BAZ2B: variants seen among roughly 807,000 people sequenced by gnomAD.
The protein encoded by BAZ2B is bromodomain adjacent to zinc finger domain 2B, also known as bromodomain adjacent to zinc finger domain protein 2B.
BAZ2B carries 91 observed loss-of-function variants against 246.0 expected under a neutral mutation model. The observed-to-expected ratio is 0.37, with a 90% confidence interval of 0.31 to 0.44. BAZ2B has a LOEUF of 0.44. Ranked by LOEUF, BAZ2B falls within the 20% of genes least tolerant of loss-of-function variation. The pLI is 1.00. For missense variants in BAZ2B, 2,332 were observed against 2,533.7 expected (o/e 0.92, Z 1.71); for synonymous variants, 855 against 860.0 (o/e 0.99, Z 0.10).
chr2:159,645,324 G>A, the BAZ2B span, among the ~76,000 whole-genome samples: 1 of 151,390 alleles, frequency 6.6e-6, no homozygotes, highest in African/African-American at 2.4e-5. Context: ...CAATTTCATT[G>A]CTTAAAATAG....
the BAZ2B span, among the ~76,000 whole-genome samples, chr2:159,648,252 C>T: frequency 6.6e-6 from 1 of 152,246 alleles, no homozygotes; most frequent in East Asian, 1.9e-4. Flanking sequence ...ATTCTCCTGC[C>T]TCAGCCTCCC....
intron 16 of BAZ2B, 37 bp downstream of exon 16, chr2:159,404,812 C>T: frequency 2.0e-6 from 3 of 1,535,042 alleles, no homozygotes; most frequent in Non-Finnish European, 2.7e-6. Flanking sequence ...AAAATAAGTC[C>T]CATATTTTAA....
At chr2:159,625,324 GCAC>G in the BAZ2B span, among the ~76,000 whole-genome samples, 1 of 151,996 alleles carries the variant, frequency 6.6e-6, no homozygotes, top group Non-Finnish European at 1.5e-5. Context: ...GAAACACAGA[GCAC>G]AACACAAAGA....
chr2:159,412,050 T>A (rs1053044161), intron 14 of BAZ2B: 9 of 782,036 alleles, frequency 1.2e-5, no homozygotes, highest in Non-Finnish European at 1.4e-5. Flanking sequence ...ATGTGCCAAG[T>A]GCTGGTTGAT....
chr2:159,690,928 C>T, the BAZ2B span, among the ~76,000 whole-genome samples: 8 of 151,988 alleles, frequency 5.3e-5, no homozygotes, highest in Admixed American at 1.3e-4. Context: ...TGAATAATAG[C>T]GTAATTACTA....
At position 159,599,675 on chromosome 2, in the gene BAZ2B, G is replaced by A. The variant is rs190176306; in HGVS notation, c.-46+16567C>T. Among the ~76,000 whole-genome samples the A allele has an allele frequency of 1.4e-3, 209 of 151,566 alleles. 1 individual carries two copies. The highest frequency in any genetic ancestry group is 4.8e-3 in the African/African-American group (200 of 41,394). ...TCTGGGGCCTGGCATGGTGGCTCAC[G>A]CCTGTAATCCCAGCAGTTTGTGAGG... is the stretch of plus-strand genomic sequence containing the variant. On this transcript the variant is annotated intron_variant, in intron 1 of 36. Coordinates refer to ENST00000392783, the MANE Select transcript of BAZ2B (RefSeq NM_013450.4).
At chr2:159,344,430 A>T (rs1035759444) in intron 31 of BAZ2B, among the ~76,000 whole-genome samples, 1 of 151,486 alleles carries the variant, frequency 6.6e-6, no homozygotes, top group African/African-American at 2.4e-5. Flanking sequence ...GCTACTCAGG[A>T]GGCTGAGGCA....
Position 159,432,821 on chromosome 2 carries a change from C to T in BAZ2B, c.1836G>A (p.Glu612=), listed in dbSNP as rs200309552. Residue 612 remains glutamate (E), a synonymous_variant, in exon 9 of 37, where the codon GAG becomes GAA. Coordinates refer to ENST00000392783, the MANE Select transcript of BAZ2B (RefSeq NM_013450.4). ...KDSEDSNEDE[E]EDDEEEDEED... is the part of the protein sequence containing the mutation. ...CCTCATCTTCTTCTTCATCATCTTCCTCTTCATCCTCATTTGAATCTTCAG... is the reference window on the plus strand; with the variant it reads ...CCTCATCTTCTTCTTCATCATCTTCTTCTTCATCCTCATTTGAATCTTCAG... 1.2e-6 allele frequency: 2 copies of T among 1,613,980 alleles called. No individual in the cohort carries two copies. The highest frequency in any genetic ancestry group is 1.7e-6 in the Non-Finnish European group (2 of 1,179,910).
rs535041147 is a variant in BAZ2B at position 159,496,638 on chromosome 2, C to T, written c.-2-17917G>A. ...TCTCTACTAAAAACACAAAATTAGC[C>T]GGGCATGGTGAGGCATGACTGTAAT... On this transcript the variant is annotated intron_variant, in intron 2 of 36. Coordinates refer to ENST00000392783, the MANE Select transcript of BAZ2B (RefSeq NM_013450.4). Among the ~76,000 whole-genome samples, 13 of 151,036 alleles carry T rather than the reference C, an allele frequency of 8.6e-5. No homozygotes were observed. In the East Asian group the frequency reaches 1.6e-3, roughly 18 times the overall value.
At chr2:159,463,300 C>A in intron 3 of BAZ2B, 1 of 329,394 alleles carries the variant, frequency 3.0e-6, no homozygotes, top group Non-Finnish European at 6.0e-6. Flanking sequence ...TTAAAAAAGA[C>A]GATTCCTTAA....
At chr2:159,566,114 C>T (rs1488259239) in intron 1 of BAZ2B, among the ~76,000 whole-genome samples, 4 of 152,250 alleles carry the variant, frequency 2.6e-5, no homozygotes, top group East Asian at 3.9e-4. Context: ...CAGGTTCAAG[C>T]GATTCTCCTG....
chr2:159,440,312 C>T (rs2073138025), intron 6 of BAZ2B, among the ~76,000 whole-genome samples: 1 of 151,978 alleles, frequency 6.6e-6, no homozygotes, highest in African/African-American at 2.4e-5. Context: ...ATGATCTTAA[C>T]AGAAATACAT....
At chr2:159,463,808 A>T (rs1225157120) in intron 3 of BAZ2B, 1 of 152,072 alleles carries the variant, frequency 6.6e-6, no homozygotes, top group Non-Finnish European at 1.5e-5. Flanking sequence ...AGTTTCAAAC[A>T]ATTCTCCTGC....
At chr2:159,553,159 C>A (rs2088544068) in intron 2 of BAZ2B, among the ~76,000 whole-genome samples, 1 of 151,696 alleles carries the variant, frequency 6.6e-6, no homozygotes, top group Non-Finnish European at 1.5e-5. Flanking sequence ...CTTTGAGAGG[C>A]CAAGGCGGGT....
the BAZ2B span, among the ~76,000 whole-genome samples, chr2:159,636,725 G>A: frequency 6.6e-6 from 1 of 152,170 alleles, no homozygotes; most frequent in African/African-American, 2.4e-5. Flanking sequence ...GGCTATAGGA[G>A]TGCTTATGCC....
chr2:159,405,058 G>C lies in BAZ2B; in HGVS notation c.2734C>G (p.Gln912Glu). 1 of 1,614,066 alleles carries C rather than the reference G, an allele frequency of 6.2e-7. No homozygotes were observed. The highest frequency in any genetic ancestry group is 8.5e-7 in the Non-Finnish European group (1 of 1,179,978). ...TTGGCTTCTTTAGCAACCCGAGCCTGTTCCTGCTTTTGAAGTTTTCTCAAA... is the reference window on the plus strand; with the variant it reads ...TTGGCTTCTTTAGCAACCCGAGCCTCTTCCTGCTTTTGAAGTTTTCTCAAA... ...KLLRKLQKQE[Q>E]ARVAKEAKKQ... Residue 912 changes from glutamine to glutamate, a missense_variant, in exon 15 of 37, where the codon CAG becomes GAG. By Grantham distance (29) the Gln-to-Glu change is conservative. Transcript: ENST00000392783.
At chr2:159,491,713 T>C (rs1577712831) in intron 2 of BAZ2B, among the ~76,000 whole-genome samples, 1 of 23,680 alleles carries the variant, frequency 4.2e-5, no homozygotes, top group Non-Finnish European at 7.0e-5. Context: ...AGAGCGAGAC[T>C]CCGTCTCAAA....
At chr2:159,569,842 T>C (rs1396931731) in intron 1 of BAZ2B, among the ~76,000 whole-genome samples, 2 of 151,900 alleles carry the variant, frequency 1.3e-5, no homozygotes, top group Non-Finnish European at 2.9e-5. Context: ...AAAAAGTACA[T>C]AAATGAAAAT....
chr2:159,318,040 A>T (rs2062295435), downstream of BAZ2B, among the ~76,000 whole-genome samples: 1 of 152,110 alleles, frequency 6.6e-6, no homozygotes, highest in Non-Finnish European at 1.5e-5. Context: ...CACTCTCAAA[A>T]ATTTTGGTGT....
Sources: gnomAD v4.1 joint callset for allele counts (sites outside exome capture counted in the v4.1 genomes callset) on GRCh38, gnomAD v4.1.1 for gene constraint, MANE v1.5 for transcripts, NCBI Gene and HGNC (gene_info 2026-07-23, HGNC 2026-07-21) for gene names.